The following PPP2R2B variants were observed in gnomAD, a reference collection of about 807,000 sequenced individuals.
PPP2R2B encodes the protein serine/threonine-protein phosphatase 2A 55 kDa regulatory subunit B beta isoform.
In PPP2R2B, 5 loss-of-function variants were observed where a neutral mutation model predicts 46.0. That is an observed-to-expected ratio of 0.11 (90% CI 0.06 to 0.23). PPP2R2B has a LOEUF of 0.23. Among genes scored for constraint, PPP2R2B ranks in the 10% least tolerant of loss-of-function variants. The pLI is 1.00. For synonymous variants in PPP2R2B, 215 were observed against 206.7 expected, an observed-to-expected ratio of 1.04 and a Z score of -0.34; for missense variants, 367 against 575.0, an observed-to-expected ratio of 0.64 and a Z score of 3.70.
chr5:147,017,417 G>A (rs1561579203), intron 1 of PPP2R2B, among the ~76,000 whole-genome samples: 1 of 151,464 alleles, frequency 6.6e-6, no homozygotes, highest in Non-Finnish European at 1.5e-5. Context: ...GGGAGGGAGA[G>A]ATTCGAGCTG....
At chr5:146,654,414 A>G (rs570760465) in intron 5 of PPP2R2B, among the ~76,000 whole-genome samples, 1 of 152,342 alleles carries the variant, frequency 6.6e-6, no homozygotes, top group African/African-American at 2.4e-5. Flanking sequence ...CAAAACTGCC[A>G]TGTTTGCAAG....
chr5:146,591,709 A>AAAGAG (rs1401208485), intron 9 of PPP2R2B, among the ~76,000 whole-genome samples: 5 of 151,456 alleles, frequency 3.3e-5, no homozygotes, highest in African/African-American at 1.2e-4. Flanking sequence ...ACCTTATCTG[A>AAAGAG]AAGAGAAATT....
At chr5:146,864,378 A>G (rs1410021470) in intron 2 of PPP2R2B, among the ~76,000 whole-genome samples, 3 of 137,444 alleles carry the variant, frequency 2.2e-5, no homozygotes, top group African/African-American at 8.3e-5. Context: ...ATTTCATTCA[A>G]CCACACATAG....
chr5:147,034,656 T>C (rs1374646933), intron 1 of PPP2R2B, among the ~76,000 whole-genome samples: 2 of 152,252 alleles, frequency 1.3e-5, no homozygotes, highest in African/African-American at 4.8e-5. Flanking sequence ...ATATTTCTTG[T>C]AATAATAATG....
At chr5:146,761,818 C>A (rs1203460066) in intron 2 of PPP2R2B, among the ~76,000 whole-genome samples, 2 of 151,730 alleles carry the variant, frequency 1.3e-5, no homozygotes, top group African/African-American at 2.4e-5. Flanking sequence ...TGGTGTGTAA[C>A]ATGTTTAATG....
rs545070332 is a variant in PPP2R2B at position 146,783,034 on chromosome 5, AAAGT to A, written c.71-81896_71-81893del. ...TTAGTGAATTTCCCCCAAATATGAA[AAAGT>A]AAGTAGGTATAGGAAGAGTTTTTAA... On this transcript the variant is annotated intron_variant, in intron 2 of 9. Coordinates refer to ENST00000394411, the MANE Select transcript of PPP2R2B (RefSeq NM_181675.4). 5.8e-4 allele frequency among the ~76,000 whole-genome samples: 88 copies of A among 152,322 alleles called. 1 individual carries two copies. The highest frequency in any genetic ancestry group is 2.1e-3 in the African/African-American group (88 of 41,572).
At chr5:146,985,578 A>G (rs765952048) in intron 1 of PPP2R2B, among the ~76,000 whole-genome samples, 3 of 152,202 alleles carry the variant, frequency 2.0e-5, no homozygotes, top group Non-Finnish European at 4.4e-5. Context: ...AGTCAACACC[A>G]TAAAGGCCAT....
chr5:146,831,124 G>A (rs575598053), intron 2 of PPP2R2B, among the ~76,000 whole-genome samples: 13 of 152,030 alleles, frequency 8.6e-5, no homozygotes, highest in South Asian at 2.1e-4. Context: ...TATGTTACTC[G>A]TTATGTATAC....
At chr5:146,805,880 G>A (rs2151311302) in intron 2 of PPP2R2B, among the ~76,000 whole-genome samples, 1 of 152,258 alleles carries the variant, frequency 6.6e-6, no homozygotes, top group South Asian at 2.1e-4. Context: ...ATTATCGGCA[G>A]CTCGATGAGT....
intron 1 of PPP2R2B, among the ~76,000 whole-genome samples, chr5:146,935,327 A>G (rs556397393): frequency 1.3e-5 from 2 of 152,296 alleles, no homozygotes; most frequent in South Asian, 4.1e-4. Context: ...ACAGGCCCTC[A>G]CCAGACTCCA....
chr5:146,666,847 C>T (rs1777008359), intron 5 of PPP2R2B, among the ~76,000 whole-genome samples: 1 of 152,160 alleles, frequency 6.6e-6, no homozygotes, highest in African/African-American at 2.4e-5. Flanking sequence ...TGTAATCGTC[C>T]ATATCATGTC....
At chr5:146,687,557 T>C (rs2151146977) in intron 5 of PPP2R2B, among the ~76,000 whole-genome samples, 1 of 152,256 alleles carries the variant, frequency 6.6e-6, no homozygotes, top group South Asian at 2.1e-4. Flanking sequence ...ATTCTGAAGA[T>C]GAATCAAGGG....
At chr5:146,944,591 C>T (rs1415820486) in intron 1 of PPP2R2B, among the ~76,000 whole-genome samples, 1 of 151,476 alleles carries the variant, frequency 6.6e-6, no homozygotes, top group Non-Finnish European at 1.5e-5. Context: ...GAATTGTGTC[C>T]CATGATTTAA....
chr5:146,760,002 C>G (rs1435613868), intron 2 of PPP2R2B, among the ~76,000 whole-genome samples: 2 of 152,088 alleles, frequency 1.3e-5, no homozygotes, highest in African/African-American at 4.8e-5. Context: ...ATCTGATAAT[C>G]TTAAATAACT....
chr5:146,807,373 C>A (rs1757240405), intron 2 of PPP2R2B, among the ~76,000 whole-genome samples: 1 of 152,152 alleles, frequency 6.6e-6, no homozygotes. Flanking sequence ...TCAGTTCTGG[C>A]AGAGGAAAAG....
At chr5:146,998,423 G>A (rs2151867239) in intron 1 of PPP2R2B, among the ~76,000 whole-genome samples, 1 of 152,310 alleles carries the variant, frequency 6.6e-6, no homozygotes, top group Non-Finnish European at 1.5e-5. Context: ...GCCAGCCCAG[G>A]AAGTGGGAGT....
chr5:146,930,277 C>T (rs1763924492), intron 1 of PPP2R2B, among the ~76,000 whole-genome samples: 3 of 152,108 alleles, frequency 2.0e-5, no homozygotes, highest in Admixed American at 2.0e-4. Flanking sequence ...GCAGAAGGAA[C>T]AACAAGGACA....
At chr5:147,036,912 T>A (rs1011635251) in intron 1 of PPP2R2B, among the ~76,000 whole-genome samples, 1 of 152,142 alleles carries the variant, frequency 6.6e-6, no homozygotes, top group Non-Finnish European at 1.5e-5. Flanking sequence ...ATCAACAAAT[T>A]CTATTAAGCT....
intron 2 of PPP2R2B, among the ~76,000 whole-genome samples, chr5:146,818,859 A>G (rs1758088987): frequency 6.6e-6 from 1 of 152,158 alleles, no homozygotes; most frequent in Non-Finnish European, 1.5e-5. Context: ...TTAACCTCCA[A>G]GTTTTGACTC....
Sources: allele counts gnomAD v4.1 joint callset (sites outside exome capture counted in the v4.1 genomes callset), GRCh38; gene constraint gnomAD v4.1.1; transcripts MANE v1.5; gene names NCBI Gene and HGNC (gene_info 2026-07-23, HGNC 2026-07-21).